NCAPH: variants seen among roughly 807,000 people sequenced by gnomAD.
NCAPH encodes the protein condensin complex subunit 2.
NCAPH carries 38 observed loss-of-function variants against 85.5 expected under a neutral mutation model. The ratio of observed to expected loss-of-function variants is 0.44; its 90% CI spans 0.34 to 0.58. The LOEUF is 0.58. NCAPH is among the 20% of genes least tolerant of loss of function. The probability of loss-of-function intolerance (pLI) is 0.01; values close to 1 mark genes in which losing one functional copy is unlikely to be tolerated. For missense variants in NCAPH, 789 were observed against 916.6 expected, an observed-to-expected ratio of 0.86 and a Z score of 1.80; for synonymous variants, 301 against 335.1, an observed-to-expected ratio of 0.90 and a Z score of 1.11.
intron 12 of NCAPH, among the ~76,000 whole-genome samples, chr2:96,361,829 T>TATA (rs1491107013): frequency 1.4e-3 from 101 of 70,962 alleles, no homozygotes; most frequent in South Asian, 3.8e-3. Context: ...TATATATATA[T>TATA]TTTTTTTTTT....
chr2:96,362,459 G>A (rs1304678741), intron 12 of NCAPH, among the ~76,000 whole-genome samples: 1 of 152,106 alleles, frequency 6.6e-6, no homozygotes, highest in Non-Finnish European at 1.5e-5. Context: ...GCGAAACCCC[G>A]TCTCTACTAA....
intron 12 of NCAPH, among the ~76,000 whole-genome samples, chr2:96,362,590 A>G (rs62153916): frequency 2.6e-5 from 4 of 150,968 alleles, no homozygotes; most frequent in African/African-American, 9.7e-5. Context: ...AGATTACAGT[A>G]CACTGCACTC....
Position 96,377,015 on chromosome 2 carries a change from T to C in NCAPH, c.*3664T>C, listed in dbSNP as rs750261699. 2.0e-5 allele frequency among the ~76,000 whole-genome samples: 3 copies of C among 152,036 alleles called. No homozygotes were observed. Among genetic ancestry groups the C allele is most frequent in the South Asian group, 2.1e-4 (1 of 4,826 alleles). ...CATTGCATGCCTGTATCAAAATATC[T>C]CATGTACCCCATAAATATATGCACC... On this transcript the variant is annotated 3_prime_UTR_variant, in exon 18 of 18. Coordinates refer to ENST00000240423, the MANE Select transcript of NCAPH (RefSeq NM_015341.5).
At position 96,361,040 on chromosome 2, in the gene NCAPH, C is replaced by CTTTT. The variant is rs760283642; in HGVS notation, c.1587+353_1587+356dup. ...TATTTCTTGATTCCTTTGCTTTCTC[C>CTTTT]TTTTTTTTTTTTTTTTTTTTTTTTT... On this transcript the variant is annotated intron_variant, in intron 12 of 17. Transcript: ENST00000240423. 6.2e-4 allele frequency among the ~76,000 whole-genome samples: 54 copies of CTTTT among 86,780 alleles called. 5 individuals are homozygous for CTTTT. The highest frequency in any genetic ancestry group is 2.6e-3 in the South Asian group (4 of 1,526). 56.9% of individuals were successfully genotyped at this position (86,780 alleles called of 152,430 possible).
chr2:96,360,498 C>T, intron 11 of NCAPH, 90 bp from the exon 12 acceptor site: 4 of 1,476,868 alleles, frequency 2.7e-6, no homozygotes, highest in Non-Finnish European at 3.7e-6. Flanking sequence ...ACTCATGCTG[C>T]CCAAACCCTT....
At chr2:96,359,235 A>G (rs762164559) in intron 10 of NCAPH, 42 bp downstream of exon 10, 10 of 1,606,424 alleles carry the variant, frequency 6.2e-6, no homozygotes, top group Non-Finnish European at 8.5e-6. Flanking sequence ...GAAGTAGTGT[A>G]GATGACCAGC....
chr2:96,372,267 C>T (rs955876748), intron 17 of NCAPH, among the ~76,000 whole-genome samples: 3 of 151,854 alleles, frequency 2.0e-5, no homozygotes, highest in Non-Finnish European at 4.4e-5. Flanking sequence ...TCACTGCTGT[C>T]AGGAACTAAT....
In NCAPH at chr2:96,344,120, A is replaced by C. The variant is rs1229378548; in HGVS notation, c.611A>C (p.Glu204Ala). ...CTCCTTTTAGATGGAAGTGCTACTG[A>C]AATGGGAACAACCAAAAAGGCTGTA... ...EGHVADGSAT[E>A]MGTTKKAVKP... Residue 204 changes from glutamate to alanine, a missense_variant, in exon 6 of 18, where the codon GAA becomes GCA. Transcript: ENST00000240423. 1 of 1,613,006 alleles carries C rather than the reference A, an allele frequency of 6.2e-7. No individual in the cohort carries two copies. Among genetic ancestry groups the C allele is most frequent in the South Asian group, 1.1e-5 (1 of 90,838 alleles).
intron 12 of NCAPH, among the ~76,000 whole-genome samples, chr2:96,361,264 A>G (rs1573088358): frequency 6.6e-6 from 1 of 151,794 alleles, no homozygotes; most frequent in Non-Finnish European, 1.5e-5. Context: ...TGGCCAGGCT[A>G]GTCTCGAACT....
Position 96,335,863 on chromosome 2 carries a change from C to G in NCAPH, c.19+15C>G. Reference sequence around the variant, plus strand: ...TCCCGGCCCAGGTGAGCCGGGCGGTCGGGAGGCGCGGCGGGAAGGGCCCCT... The same window carrying G: ...TCCCGGCCCAGGTGAGCCGGGCGGTGGGGAGGCGCGGCGGGAAGGGCCCCT... On this transcript the variant is annotated intron_variant, in intron 1 of 17. Transcript: ENST00000240423. 6.8e-7 allele frequency: 1 copy of G among 1,473,146 alleles called. No homozygotes were observed. The highest frequency in any genetic ancestry group is 9.0e-7 in the Non-Finnish European group (1 of 1,114,382). The allele number at this position is 1,473,146 out of a possible 1,614,324, so 91.3% of individuals were successfully genotyped here. A position where few individuals can be genotyped will look rare whatever the true frequency, so the allele number is the denominator to read the frequency against.
Position 96,373,415 on chromosome 2 carries a change from G to C in NCAPH, c.*64G>C. The C allele has an allele frequency of 1.3e-6, 2 of 1,496,084 alleles. No individual in the cohort carries two copies. Among genetic ancestry groups the C allele is most frequent in the Non-Finnish European group, 1.9e-6 (2 of 1,075,236 alleles). 92.7% of individuals were successfully genotyped at this position (1,496,084 alleles called of 1,614,324 possible). ...TTACTCAGTTGCCGGGACATCCCCAGTCTCGGGGGAAGAAGATGCCATGGG... is the reference window on the plus strand; with the variant it reads ...TTACTCAGTTGCCGGGACATCCCCACTCTCGGGGGAAGAAGATGCCATGGG... On this transcript the variant is annotated 3_prime_UTR_variant, in exon 18 of 18. Coordinates refer to ENST00000240423, the MANE Select transcript of NCAPH (RefSeq NM_015341.5).
chr2:96,349,387 CTTTTT>C (rs987765046), intron 6 of NCAPH, among the ~76,000 whole-genome samples: 1 of 144,102 alleles, frequency 6.9e-6, no homozygotes. Flanking sequence ...ATTTTCTTTT[CTTTTT>C]TTTTTTTAAG....
At chr2:96,367,615 TAC>T (rs1399963566) in intron 15 of NCAPH, among the ~76,000 whole-genome samples, 1 of 152,158 alleles carries the variant, frequency 6.6e-6, no homozygotes, top group African/African-American at 2.4e-5. Flanking sequence ...ATCGTACCAC[TAC>T]ACTCCAGTCT....
intron 12 of NCAPH, among the ~76,000 whole-genome samples, chr2:96,363,858 C>T (rs955780229): frequency 3.3e-5 from 5 of 151,738 alleles, no homozygotes; most frequent in Admixed American, 3.3e-4. Context: ...GGGTCTCAGG[C>T]TGGAGTGCAG....
intron 9 of NCAPH, among the ~76,000 whole-genome samples, chr2:96,357,110 C>G (rs2064535281): frequency 6.6e-6 from 1 of 152,188 alleles, no homozygotes; most frequent in East Asian, 1.9e-4. Flanking sequence ...GAGGTCAAAG[C>G]CCAGAACACA....
At chr2:96,361,767 T>TAC (rs1399676386) in intron 12 of NCAPH, among the ~76,000 whole-genome samples, 1 of 122,892 alleles carries the variant, frequency 8.1e-6, no homozygotes, top group Non-Finnish European at 1.7e-5. Context: ...TATATATATA[T>TAC]ACATATATAT....
At chr2:96,372,890 A>G (rs1002614234) in intron 17 of NCAPH, among the ~76,000 whole-genome samples, 4 of 152,202 alleles carry the variant, frequency 2.6e-5, no homozygotes, top group East Asian at 1.9e-4. Context: ...ATTTGGTACT[A>G]TATGAGTTCA....
At chr2:96,352,063 G>T in intron 7 of NCAPH, 43 bp downstream of exon 7, 1 of 1,536,946 alleles carries the variant, frequency 6.5e-7, no homozygotes, top group South Asian at 1.2e-5. Flanking sequence ...TTCAGTCATT[G>T]GGGAATTTTT....
chr2:96,360,568 T>A lies in NCAPH; in HGVS notation c.1465-20T>A. ...CCACTGTTAAAATGCCTAAAACACTTTTTTTAAAAAAATTAATAGGCTGCT... is the reference window on the plus strand; with the variant it reads ...CCACTGTTAAAATGCCTAAAACACTATTTTTAAAAAAATTAATAGGCTGCT... On this transcript the variant is annotated intron_variant, in intron 11 of 17. Coordinates refer to ENST00000240423, the MANE Select transcript of NCAPH (RefSeq NM_015341.5). The A allele has an allele frequency of 1.2e-6, 2 of 1,612,550 alleles. No individual in the cohort carries two copies. Among genetic ancestry groups the A allele is most frequent in the Non-Finnish European group, 1.7e-6 (2 of 1,179,524 alleles).
Sources: gnomAD v4.1 joint callset for allele counts (sites outside exome capture counted in the v4.1 genomes callset) on GRCh38, gnomAD v4.1.1 for gene constraint, MANE v1.5 for transcripts, NCBI Gene and HGNC (gene_info 2026-07-23, HGNC 2026-07-21) for gene names.